METRNL: variants seen among roughly 807,000 people sequenced by gnomAD.
The protein encoded by METRNL is meteorin-like protein.
A neutral mutation model predicts 17.4 loss-of-function variants in METRNL; 9 were observed. The observed-to-expected ratio is 0.52, with a 90% CI of 0.31 to 0.90. The LOEUF (loss-of-function observed/expected upper bound fraction) is 0.90. Ranked by LOEUF, METRNL falls within the 40% of genes least tolerant of loss-of-function variation. The pLI is 0.05. For missense variants in METRNL, 408 were observed against 430.7 expected, an observed-to-expected ratio of 0.95 and a Z score of 0.47; for synonymous variants, 215 against 199.3, an observed-to-expected ratio of 1.08 and a Z score of -0.66.
chr17:83,085,528 C>A (rs1458892105), intron 2 of METRNL, among the ~76,000 whole-genome samples: 1 of 151,954 alleles, frequency 6.6e-6, no homozygotes, highest in East Asian at 1.9e-4. Flanking sequence ...GCAGAGGGGC[C>A]CTCCTAGGGG....
At chr17:83,084,840 C>G in intron 1 of METRNL, 98 bp from the exon 2 acceptor site, 1 of 1,468,518 alleles carries the variant, frequency 6.8e-7, no homozygotes, top group Non-Finnish European at 9.1e-7. Flanking sequence ...GAGCCGCCAT[C>G]ATTTGGAGCG....
intron 1 of METRNL, 116 bp from the exon 2 acceptor site, chr17:83,084,821 TG>T: frequency 7.5e-7 from 1 of 1,339,050 alleles, no homozygotes; most frequent in Non-Finnish European, 1.0e-6. Flanking sequence ...CGGCAGCGGG[TG>T]GGTCCAGGAG....
intron 2 of METRNL, among the ~76,000 whole-genome samples, chr17:83,087,249 G>A (rs999860739): frequency 2.0e-5 from 3 of 152,190 alleles, no homozygotes; most frequent in African/African-American, 7.2e-5. Flanking sequence ...GTGACCCTGC[G>A]GCATCTGCTT....
At position 83,089,932 on chromosome 17, in the gene METRNL, G is replaced by A. The variant is rs886961200; in HGVS notation, c.557-3235G>A. 2.6e-5 allele frequency among the ~76,000 whole-genome samples: 4 copies of A among 151,166 alleles called. No homozygotes were observed. The East Asian group carries it at 5.9e-4, about 22-fold the overall frequency. Reference sequence around the variant, plus strand: ...CCGTCCCCGGCCCCACACCCCTGCCGTCAGCCGGGTGAGCCAGGGCGGGGT... The same window carrying A: ...CCGTCCCCGGCCCCACACCCCTGCCATCAGCCGGGTGAGCCAGGGCGGGGT... On this transcript the variant is annotated intron_variant, in intron 2 of 3. Coordinates refer to ENST00000320095, the MANE Select transcript of METRNL (RefSeq NM_001004431.3).
At chr17:83,085,414 G>A (rs1363478672) in intron 2 of METRNL, 91 bp downstream of exon 2, 12 of 1,445,890 alleles carry the variant, frequency 8.3e-6, no homozygotes, top group South Asian at 5.5e-5. Flanking sequence ...CTGTCCCCTC[G>A]TCTGCTCAGC....
chr17:83,089,326 G>C (rs1362201166), intron 2 of METRNL, among the ~76,000 whole-genome samples: 1 of 152,090 alleles, frequency 6.6e-6, no homozygotes, highest in Non-Finnish European at 1.5e-5. Context: ...GTCACCACCT[G>C]TGTGGGAGAC....
intron 2 of METRNL, among the ~76,000 whole-genome samples, chr17:83,090,919 T>C (rs1207040297): frequency 2.6e-5 from 4 of 152,028 alleles, no homozygotes; most frequent in African/African-American, 9.7e-5. Context: ...AGGCCCAGCA[T>C]GGTCTGCAGA....
chr17:83,085,408 C>T (rs1165647831), intron 2 of METRNL, 85 bp downstream of exon 2: 6 of 1,457,400 alleles, frequency 4.1e-6, no homozygotes, highest in African/African-American at 1.4e-5. Context: ...TTCTTCCTGT[C>T]CCCTCGTCTG....
In METRNL at chr17:83,085,162, C is replaced by G; in HGVS notation, c.395C>G (p.Pro132Arg). 1 of 1,612,954 alleles carries G rather than the reference C, an allele frequency of 6.2e-7. No homozygotes were observed. ...EKTGELRLLV[P>R]DGDGRPGRVQ... Reference sequence around the variant, plus strand: ...ACTGGAGAACTGAGACTGCTGGTACCAGACGGGGACGGCAGGCCCGGCCGG... The same window carrying G: ...ACTGGAGAACTGAGACTGCTGGTACGAGACGGGGACGGCAGGCCCGGCCGG... The change falls in exon 2 of 4, where the codon CCA becomes CGA. Residue 132 changes from proline to arginine, a missense_variant. Coordinates refer to ENST00000320095, the MANE Select transcript of METRNL (RefSeq NM_001004431.3).
At position 83,085,176 on chromosome 17, in the gene METRNL, A is replaced by G. The variant is rs1212830734; in HGVS notation, c.409A>G (p.Arg137Gly). Residue 137 changes from arginine (R) to glycine (G), a missense_variant, in exon 2 of 4, where the codon AGG becomes GGG. Physicochemically the swap from Arg to Gly is moderately radical, Grantham distance 125. Transcript: ENST00000320095. ...ACTGCTGGTACCAGACGGGGACGGC[A>G]GGCCCGGCCGGGTGCAGTGTTTTGG... is the stretch of plus-strand genomic sequence containing the variant. The part of the protein sequence containing the change: ...LRLLVPDGDG[R>G]PGRVQCFGLE... 2.0e-5 allele frequency: 32 copies of G among 1,611,862 alleles called. No individual in the cohort carries two copies. The highest frequency in any genetic ancestry group is 2.7e-5 in the African/African-American group (2 of 74,910).
At chr17:83,080,056 G>C in intron 1 of METRNL, 71 bp downstream of exon 1, 1 of 944,672 alleles carries the variant, frequency 1.1e-6, no homozygotes, top group East Asian at 1.1e-4. Context: ...GGCCGGCCGA[G>C]CGTGCGGGGG....
At chr17:83,087,960 C>T (rs11867904) in intron 2 of METRNL, among the ~76,000 whole-genome samples, 1,591 of 152,328 alleles carry the variant, frequency 0.01, 35 homozygotes, top group African/African-American at 0.036. Flanking sequence ...GGAAATCCCC[C>T]GCTCCGGTGG....
chr17:83,086,157 T>G (rs903329527), intron 2 of METRNL, among the ~76,000 whole-genome samples: 2 of 152,252 alleles, frequency 1.3e-5, no homozygotes, highest in Non-Finnish European at 2.9e-5. Flanking sequence ...CTCCATGGTC[T>G]GTGTGGCCTC....
At chr17:83,085,438 C>T in intron 2 of METRNL, 115 bp downstream of exon 2, 1 of 1,346,274 alleles carries the variant, frequency 7.4e-7, no homozygotes, top group South Asian at 1.5e-5. Flanking sequence ...GGTGAAAACC[C>T]TTCTGTGTCT....
In METRNL at chr17:83,090,411, A is replaced by AGGGTGG. The variant is rs2038113612; in HGVS notation, c.557-2756_557-2755insGGGTGG. On this transcript the variant is annotated intron_variant, in intron 2 of 3. Coordinates refer to ENST00000320095, the MANE Select transcript of METRNL (RefSeq NM_001004431.3). ...CCCCCACACACACACCCCCCGCCCC[A>AGGGTGG]CACACACACCCCCCGCCCCACACAC... Among the ~76,000 whole-genome samples the AGGGTGG allele has an allele frequency of 6.4e-4, 2 of 3,116 alleles. 1 individual carries two copies. The highest frequency in any genetic ancestry group is 7.2e-3 in the African/African-American group (2 of 276). 2.0% of individuals were successfully genotyped at this position (3,116 alleles called of 152,430 possible).
rs577309147 is a variant in METRNL, at chr17:83,093,789, G to A, written c.617-467G>A. On this transcript the variant is annotated intron_variant, in intron 3 of 3. Coordinates refer to ENST00000320095, the MANE Select transcript of METRNL (RefSeq NM_001004431.3). ...GTGGAAGCCATGTCCTGCAGGCCCC[G>A]GCTCTGCACCCCACCTCCAAGCTCA... Among the ~76,000 whole-genome samples, 6 of 152,202 alleles carry A rather than the reference G, an allele frequency of 3.9e-5. No individual in the cohort carries two copies. In the East Asian group the frequency reaches 9.7e-4, roughly 25 times the overall value.
intron 1 of METRNL, 143 bp from the exon 2 acceptor site, chr17:83,084,795 G>A (rs539854997): frequency 3.6e-5 from 39 of 1,076,384 alleles, no homozygotes; most frequent in African/African-American, 2.4e-4. Context: ...GCAGGGGTCC[G>A]TGTGGCACCT....
chr17:83,080,945 C>A (rs1350399835), intron 1 of METRNL, among the ~76,000 whole-genome samples: 1 of 151,300 alleles, frequency 6.6e-6, no homozygotes. Context: ...CGGGGCAGAG[C>A]CGGTGCGGGG....
At chr17:83,089,585 C>G (rs2038092802) in intron 2 of METRNL, among the ~76,000 whole-genome samples, 1 of 150,728 alleles carries the variant, frequency 6.6e-6, no homozygotes, top group Admixed American at 6.6e-5. Context: ...CCTGAGATGT[C>G]CACACCCCAG....
Sources: gnomAD v4.1 joint callset for allele counts (sites outside exome capture counted in the v4.1 genomes callset) on GRCh38, gnomAD v4.1.1 for gene constraint, MANE v1.5 for transcripts, NCBI Gene and HGNC (gene_info 2026-07-23, HGNC 2026-07-21) for gene names.